Variants in PGBD2 observed in about 807,000 individuals in gnomAD.
PGBD2 encodes piggyBac transposable element-derived protein 2.
A neutral mutation model predicts 8.1 loss-of-function variants in PGBD2; 6 were observed. That is an observed-to-expected ratio of 0.74 (90% CI 0.40 to 1.46). The LOEUF (loss-of-function observed/expected upper bound fraction) is 1.46. PGBD2 is among the 40% of genes most tolerant of loss of function. The pLI is 0.02. For synonymous variants in PGBD2, 318 were observed against 272.2 expected (o/e 1.17, Z -1.66); for missense variants, 802 against 739.0 (o/e 1.09, Z -0.99).
chr1:248,930,058 G>A, the PGBD2 span, among the ~76,000 whole-genome samples: 2 of 152,204 alleles, frequency 1.3e-5, no homozygotes, highest in South Asian at 4.1e-4. Context: ...TGCTCCCTGT[G>A]TGCTGAGGAG....
At chr1:248,911,089 C>T (rs555089462) in intron 1 of PGBD2, among the ~76,000 whole-genome samples, 13 of 151,696 alleles carry the variant, frequency 8.6e-5, no homozygotes, top group Non-Finnish European at 1.8e-4. Flanking sequence ...TATAGGTTAG[C>T]TTACATTTTC....
At chr1:248,926,129 A>C in the PGBD2 span, among the ~76,000 whole-genome samples, 1 of 151,912 alleles carries the variant, frequency 6.6e-6, no homozygotes, top group Non-Finnish European at 1.5e-5. Context: ...TGTGGAGCTG[A>C]AAAAAGGTGG....
At chr1:248,906,384 G>C (rs952349315) in intron 1 of PGBD2, 42 bp downstream of exon 1, 1 of 152,048 alleles carries the variant, frequency 6.6e-6, no homozygotes, top group Non-Finnish European at 1.5e-5. Context: ...GGCTTCGCTT[G>C]AGTACAGGAG....
intron 2 of PGBD2, 84 bp from the exon 3 acceptor site, chr1:248,916,518 A>G (rs1662103046): frequency 2.5e-6 from 3 of 1,199,392 alleles, no homozygotes; most frequent in Admixed American, 2.1e-5. Context: ...GAAGTGTTTT[A>G]TAGTGGGAGC....
chr1:248,895,838 C>G, the PGBD2 span, among the ~76,000 whole-genome samples: 1 of 151,862 alleles, frequency 6.6e-6, no homozygotes, highest in African/African-American at 2.4e-5. Context: ...CAGGCACGTG[C>G]CACCACGCCC....
chr1:248,901,223 C>T (rs949032329), upstream of PGBD2, among the ~76,000 whole-genome samples: 2 of 151,844 alleles, frequency 1.3e-5, no homozygotes, highest in Non-Finnish European at 2.9e-5. Context: ...ACATTTTTCA[C>T]AGAAATAAAA....
At chr1:248,921,624 T>C (rs1020631041), downstream of PGBD2, among the ~76,000 whole-genome samples, 16 of 152,230 alleles carry the variant, frequency 1.1e-4, no homozygotes, top group Non-Finnish European at 2.2e-4. Flanking sequence ...GTATGCTCTT[T>C]TTTAGTTCCA....
the PGBD2 span, among the ~76,000 whole-genome samples, chr1:248,882,230 A>G: frequency 6.6e-6 from 1 of 152,150 alleles, no homozygotes; most frequent in African/African-American, 2.4e-5. Context: ...ATTTATTATT[A>G]AGTTTAGTGA....
At chr1:248,925,384 C>T in the PGBD2 span, among the ~76,000 whole-genome samples, 2 of 152,194 alleles carry the variant, frequency 1.3e-5, no homozygotes, top group African/African-American at 4.8e-5. Context: ...CATTCTAAAA[C>T]CCACATGTAA....
chr1:248,906,461 C>G (rs1661641123), intron 1 of PGBD2, 119 bp downstream of exon 1: 3 of 152,002 alleles, frequency 2.0e-5, no homozygotes, highest in African/African-American at 7.3e-5. Flanking sequence ...CCACTGCGCG[C>G]CGACGGTGGG....
the PGBD2 span, among the ~76,000 whole-genome samples, chr1:248,873,269 C>T: frequency 3.3e-5 from 5 of 152,194 alleles, no homozygotes; most frequent in African/African-American, 1.2e-4. Flanking sequence ...GTAAACGCAG[C>T]CTGACTTCCC....
At chr1:248,924,392 C>T (rs949337887), downstream of PGBD2, among the ~76,000 whole-genome samples, 5 of 152,138 alleles carry the variant, frequency 3.3e-5, no homozygotes, top group Admixed American at 2.6e-4. Flanking sequence ...TATTTATTAC[C>T]CTCAGCCAAT....
At chr1:248,906,225 C>G (rs990161945), upstream of PGBD2, 2 of 151,842 alleles carry the variant, frequency 1.3e-5, no homozygotes, top group Non-Finnish European at 2.9e-5. Flanking sequence ...GCAGCGAGCC[C>G]TCTGGTGCCG....
chr1:248,904,296 A>G (rs772244428), upstream of PGBD2, among the ~76,000 whole-genome samples: 33 of 151,074 alleles, frequency 2.2e-4, no homozygotes, highest in Admixed American at 4.6e-4. Context: ...TTTTTTCCCA[A>G]TTCCTATCAT....
chr1:248,882,419 A>G, the PGBD2 span, among the ~76,000 whole-genome samples: 1 of 152,208 alleles, frequency 6.6e-6, no homozygotes, highest in African/African-American at 2.4e-5. Context: ...AAACAGAAAC[A>G]CAGTATTTCC....
the PGBD2 span, among the ~76,000 whole-genome samples, chr1:248,873,922 C>T: frequency 6.6e-5 from 10 of 152,224 alleles, no homozygotes; most frequent in African/African-American, 1.9e-4. Context: ...GCTTTCTGGT[C>T]TCCGGATGGA....
At chr1:248,905,123 A>C (rs1212901190), upstream of PGBD2, among the ~76,000 whole-genome samples, 1 of 152,206 alleles carries the variant, frequency 6.6e-6, no homozygotes, top group Non-Finnish European at 1.5e-5. Flanking sequence ...CAATTTGCTC[A>C]TATGTGGAAT....
At chr1:248,884,161 T>G in the PGBD2 span, among the ~76,000 whole-genome samples, 1 of 152,174 alleles carries the variant, frequency 6.6e-6, no homozygotes, top group African/African-American at 2.4e-5. Flanking sequence ...TTCTTCTGCA[T>G]ATGGCTAGTA....
Position 248,917,424 on chromosome 1 carries a change from G to A in PGBD2, c.840G>A (p.Gly280=), listed in dbSNP as rs1170458546. 4 of 1,614,120 alleles carry A rather than the reference G, an allele frequency of 2.5e-6. No individual in the cohort carries two copies. Among genetic ancestry groups the A allele is most frequent in the South Asian group, 1.1e-5 (1 of 91,078 alleles). ...TGTGTGAGTACTTTGGGCACCGGGG[G>A]TCCAAGCAGCTGCACAGGGGGAAGC... The part of the protein sequence containing the change: ...ESMCEYFGHR[G]SKQLHRGKPV... Residue 280 remains glycine (G), a synonymous_variant, in exon 3 of 3, where the codon GGG becomes GGA. Transcript: ENST00000329291.
Sources: gnomAD v4.1 joint callset for allele counts (sites outside exome capture counted in the v4.1 genomes callset) on GRCh38, gnomAD v4.1.1 for gene constraint, MANE v1.5 for transcripts, NCBI Gene and HGNC (gene_info 2026-07-23, HGNC 2026-07-21) for gene names.